The following RASGRF1 variants were observed in gnomAD, a reference collection of about 807,000 sequenced individuals.
RASGRF1 encodes the protein ras-specific guanine nucleotide-releasing factor 1.
In RASGRF1, 40 loss-of-function variants were observed where a neutral mutation model predicts 138.7. The observed-to-expected ratio is 0.29, with a 90% CI of 0.22 to 0.38. The LOEUF is 0.38. Ranked by LOEUF, RASGRF1 falls within the 10% of genes least tolerant of loss-of-function variation. The pLI, the probability that RASGRF1 is intolerant of heterozygous loss-of-function variation, is 1.00. For missense variants in RASGRF1, 1,108 were observed against 1,650.4 expected, an observed-to-expected ratio of 0.67 and a Z score of 5.69; for synonymous variants, 614 against 663.2, an observed-to-expected ratio of 0.93 and a Z score of 1.14.
At chr15:78,991,621 G>T in intron 21 of RASGRF1, 70 bp downstream of exon 21, 1 of 1,235,290 alleles carries the variant, frequency 8.1e-7, no homozygotes, top group Non-Finnish European at 1.2e-6. Context: ...CACTGCGTGT[G>T]CTTCCAGGGT....
chr15:79,024,034 CAT>C (rs1491085342), intron 10 of RASGRF1, among the ~76,000 whole-genome samples: 55 of 144,980 alleles, frequency 3.8e-4, no homozygotes, highest in African/African-American at 1.1e-3. Flanking sequence ...CACACACACA[CAT>C]ACAAACACAC....
intron 22 of RASGRF1, among the ~76,000 whole-genome samples, chr15:78,988,534 C>T (rs557311764): frequency 6.6e-6 from 1 of 152,324 alleles, no homozygotes; most frequent in East Asian, 1.9e-4. Flanking sequence ...AGGGCTCCTC[C>T]CCTGAGCTGC....
At chr15:78,985,691 G>A (rs577664393) in intron 22 of RASGRF1, 1 of 154,932 alleles carries the variant, frequency 6.5e-6, no homozygotes, top group Non-Finnish European at 1.4e-5. Flanking sequence ...CGAGGCAGGC[G>A]AATCATTTGA....
At chr15:79,065,370 A>G (rs528659645) in intron 1 of RASGRF1, among the ~76,000 whole-genome samples, 3 of 148,414 alleles carry the variant, frequency 2.0e-5, no homozygotes, top group African/African-American at 7.5e-5. Context: ...CTCATAGCAT[A>G]TTTGGGAGGG....
Position 79,004,087 on chromosome 15 carries a change from A to G in RASGRF1, c.2164T>C (p.Ser722Pro). The change falls in exon 15 of 27, where the codon TCC becomes CCC. Residue 722 changes from serine to proline, a missense_variant. By Grantham distance (74) the Ser-to-Pro change is moderately conservative. Transcript: ENST00000558480. ...GTGATGGACAGAGGTGGCGGCGAGG[A>G]GAACTTGCGGGTGGCGCGCGGGGAC... ...PKSPRATRKF[S>P]SPPPLSITKT... The G allele has an allele frequency of 1.2e-6, 2 of 1,613,976 alleles. No individual in the cohort carries two copies. The highest frequency in any genetic ancestry group is 1.7e-6 in the Non-Finnish European group (2 of 1,179,996).
chr15:79,001,824 A>T (rs771734819), intron 15 of RASGRF1, 37 bp from the exon 16 acceptor site: 1 of 939,806 alleles, frequency 1.1e-6, no homozygotes, highest in Admixed American at 4.2e-5. Flanking sequence ...ACTTTTCTTA[A>T]TTTTAATTTT....
In RASGRF1 at chr15:79,090,460, C is replaced by T. The variant is rs1465025356; in HGVS notation, c.39G>A (p.Ala13=). The part of the protein sequence containing the change: ...KGIRLNDGHV[A]SLGLLARKDG... The stretch of plus-strand genomic sequence containing the variant: ...CCTTGCGCGCCAGCAGTCCCAGGGA[C>T]GCGACGTGGCCATCATTCAGCCGGA... Residue 13 remains alanine (A), a synonymous_variant, in exon 1 of 27, where the codon GCG becomes GCA. Transcript: ENST00000558480. 6.2e-6 allele frequency: 10 copies of T among 1,612,872 alleles called. No individual in the cohort carries two copies. Among genetic ancestry groups the T allele is most frequent in the Non-Finnish European group, 6.8e-6 (8 of 1,179,968 alleles).
chr15:79,050,452 TAA>T lies in RASGRF1; in HGVS notation c.532-866_532-865del, dbSNP rs2141032523. Among the ~76,000 whole-genome samples the T allele has an allele frequency of 6.6e-6, 1 of 152,350 alleles. No individual in the cohort carries two copies. Among genetic ancestry groups the T allele is most frequent in the South Asian group, 2.1e-4 (1 of 4,830 alleles). The stretch of plus-strand genomic sequence containing the variant: ...TTTCAAACAAAATTGTATCTGGATA[TAA>T]ATCAGATAGAGCAGGTGGCTCCGGG... On this transcript the variant is annotated intron_variant, in intron 3 of 26. Transcript: ENST00000558480. This position sits in a 1 kb window ranked among gnomAD's most constrained non-coding sequence, Gnocchi z 4.1.
chr15:79,003,774 G>A (rs1367967786), intron 15 of RASGRF1, 28 bp downstream of exon 15: 1 of 1,556,932 alleles, frequency 6.4e-7, no homozygotes, highest in East Asian at 2.3e-5. Context: ...GGAGGCTGGG[G>A]GGCAGCTCCG....
At chr15:78,997,293 T>TATA (rs1017993565) in intron 19 of RASGRF1, among the ~76,000 whole-genome samples, 7 of 152,194 alleles carry the variant, frequency 4.6e-5, no homozygotes, top group African/African-American at 1.7e-4. Flanking sequence ...CACTGTTTAA[T>TATA]AGATCTCTGC....
chr15:78,997,118 C>T (rs2056411442), intron 19 of RASGRF1, among the ~76,000 whole-genome samples: 2 of 152,194 alleles, frequency 1.3e-5, no homozygotes, highest in African/African-American at 2.4e-5. Context: ...AGGCTCAGAG[C>T]GGGGACTTGC....
intron 24 of RASGRF1, chr15:78,979,354 G>A: frequency 2.4e-6 from 1 of 421,512 alleles, no homozygotes; most frequent in Non-Finnish European, 3.9e-6. Context: ...ACTGTCAAGG[G>A]CTGGAGGTTT....
chr15:79,031,065 C>G (rs891402512), intron 8 of RASGRF1, among the ~76,000 whole-genome samples: 13 of 152,230 alleles, frequency 8.5e-5, no homozygotes, highest in Non-Finnish European at 1.9e-4. Context: ...CCTATGGCCA[C>G]AGGTTTTGAC....
rs1249541710 is a variant in RASGRF1, at chr15:78,991,812, G to C, written c.3028-18C>G. The C allele has an allele frequency of 8.7e-6, 14 of 1,601,208 alleles. No homozygotes were observed. The Admixed American group carries it at 1.5e-4, about 17-fold the overall frequency. On this transcript the variant is annotated intron_variant, in intron 20 of 26. Transcript: ENST00000558480. ...CCTTCAGCCTGGTTTTGAGTTGGGG[G>C]AGCAACATTTTGAGTTAGGCCCATG... is the stretch of plus-strand genomic sequence containing the variant.
chr15:79,046,655 G>C lies in RASGRF1; in HGVS notation c.878+91C>G. 6.4e-7 allele frequency: 1 copy of C among 1,562,336 alleles called. No homozygotes were observed. Among genetic ancestry groups the C allele is most frequent in the Non-Finnish European group, 8.7e-7 (1 of 1,146,540 alleles). Reference sequence around the variant, plus strand: ...TCTCTGGGCCTCATCTGCACTCGGTGGGAACCACGTGAGAGAGTGTGTCAA... The same window carrying C: ...TCTCTGGGCCTCATCTGCACTCGGTCGGAACCACGTGAGAGAGTGTGTCAA... On this transcript the variant is annotated intron_variant, in intron 5 of 26. Transcript: ENST00000558480. This position sits in a 1 kb window ranked among gnomAD's most constrained non-coding sequence, Gnocchi z 5.3.
chr15:79,011,106 C>T (rs1298308224), intron 13 of RASGRF1, among the ~76,000 whole-genome samples: 1 of 152,066 alleles, frequency 6.6e-6, no homozygotes, highest in East Asian at 1.9e-4. Flanking sequence ...GCTATCCGCT[C>T]CCCATTCTCC....
intron 26 of RASGRF1, 152 bp from the exon 27 acceptor site, chr15:78,962,388 T>C: frequency 1.7e-6 from 1 of 590,024 alleles, no homozygotes; most frequent in African/African-American, 1.9e-5. Context: ...GTGTTCCATC[T>C]TGACATAAGT....
intron 19 of RASGRF1, among the ~76,000 whole-genome samples, chr15:78,997,767 C>T (rs569510114): frequency 1.6e-4 from 24 of 151,402 alleles, no homozygotes; most frequent in Admixed American, 9.9e-4. Flanking sequence ...TTTAAATAGC[C>T]TTATGTAGCT....
chr15:79,058,030 C>A (rs1210496896), intron 3 of RASGRF1, among the ~76,000 whole-genome samples: 2 of 152,220 alleles, frequency 1.3e-5, no homozygotes, highest in Non-Finnish European at 2.9e-5. Flanking sequence ...CTCACTCAAT[C>A]CTCACGACCT....
Sources: allele counts gnomAD v4.1 joint callset (sites outside exome capture counted in the v4.1 genomes callset), GRCh38; gene constraint gnomAD v4.1.1; non-coding constraint Gnocchi (gnomAD v3.1); transcripts MANE v1.5; gene names NCBI Gene and HGNC (gene_info 2026-07-23, HGNC 2026-07-21).